Variants in DCAF1 observed in about 807,000 individuals in gnomAD.
DCAF1 encodes DDB1- and CUL4-associated factor 1.
A neutral mutation model predicts 128.0 loss-of-function variants in DCAF1; 15 were observed. The observed-to-expected ratio is 0.12, with a 90% CI of 0.08 to 0.18. The LOEUF (loss-of-function observed/expected upper bound fraction) is 0.18. Ranked by LOEUF, DCAF1 falls within the 10% of genes least tolerant of loss-of-function variation. The pLI, the probability that DCAF1 is intolerant of heterozygous loss-of-function variation, is 1.00. For synonymous variants in DCAF1, 610 were observed against 603.0 expected (o/e 1.01, Z -0.17); for missense variants, 988 against 1,649.5 (o/e 0.60, Z 6.95).
At chr3:51,442,900 C>A (rs1329812442) in intron 7 of DCAF1, among the ~76,000 whole-genome samples, 2 of 152,032 alleles carry the variant, frequency 1.3e-5, no homozygotes, top group Admixed American at 6.6e-5. Flanking sequence ...CTGAGGGGAA[C>A]AATACACACT....
At chr3:51,413,087 A>T (rs782308752) in intron 21 of DCAF1, 21 bp from the exon 22 acceptor site, 12 of 1,613,702 alleles carry the variant, frequency 7.4e-6, no homozygotes, top group Non-Finnish European at 8.5e-7. Context: ...GAATGTGAGA[A>T]GATTGGGATT....
chr3:51,418,721 T>C lies in DCAF1; in HGVS notation c.3392A>G (p.Tyr1131Cys), dbSNP rs1013423185. The C allele has an allele frequency of 6.2e-7, 1 of 1,613,908 alleles. No individual in the cohort carries two copies. Among genetic ancestry groups the C allele is most frequent in the Non-Finnish European group, 8.5e-7 (1 of 1,179,878 alleles). ...TGTGATGGCTGAGTTGTGACAGTTA[T>C]AGCTGGCCTCCTCCTGTCCACTAAA... Reference protein sequence around the residue: ...NVFSGQEEASYNCHNSAITHL... With the variant: ...NVFSGQEEASCNCHNSAITHL... Residue 1131 changes from tyrosine to cysteine, a missense_variant, in exon 16 of 25, where the codon TAT (tyrosine) becomes TGT (cysteine). This residue lies in a region of DCAF1 where 105 missense variants were observed against 266.7 expected (regional missense o/e 0.39). Coordinates refer to ENST00000684031, the MANE Select transcript of DCAF1 (RefSeq NM_001387579.1).
At chr3:51,444,876 C>G (rs1898302) in intron 6 of DCAF1, among the ~76,000 whole-genome samples, 2 of 149,108 alleles carry the variant, frequency 1.3e-5, no homozygotes, top group African/African-American at 5.0e-5. Context: ...GGGGTTTCAC[C>G]GTGTTAGCCA....
intron 5 of DCAF1, among the ~76,000 whole-genome samples, chr3:51,466,180 T>C (rs782500941): frequency 6.6e-6 from 1 of 152,006 alleles, no homozygotes; most frequent in African/African-American, 2.4e-5. Flanking sequence ...CCAGCCTAAG[T>C]AACAGAGCCA....
At chr3:51,453,193 G>A (rs1702530214) in intron 6 of DCAF1, among the ~76,000 whole-genome samples, 1 of 152,058 alleles carries the variant, frequency 6.6e-6, no homozygotes, top group South Asian at 2.1e-4. Flanking sequence ...AAATGATATT[G>A]CAAATTATAA....
chr3:51,422,162 C>T (rs1051029907), intron 14 of DCAF1, 145 bp downstream of exon 14: 2 of 592,468 alleles, frequency 3.4e-6, no homozygotes, highest in Non-Finnish European at 6.1e-6. Context: ...GAATGGTACT[C>T]CTTATAAAGG....
rs2089428293 is a variant in DCAF1 at position 51,398,889 on chromosome 3, A to G, written c.4466-62T>C. The G allele has an allele frequency of 7.1e-6, 11 of 1,544,496 alleles. No homozygotes were observed. In the South Asian group the frequency reaches 1.2e-4, roughly 17 times the overall value. ...CTAGGCTTATAGGAAGCTTTCCTAC[A>G]GAAGCACCTGCACTCACATACATTC... On this transcript the variant is annotated intron_variant, in intron 24 of 24. Transcript: ENST00000684031.
At chr3:51,454,146 G>A (rs960166925) in intron 6 of DCAF1, among the ~76,000 whole-genome samples, 13 of 152,080 alleles carry the variant, frequency 8.5e-5, no homozygotes, top group African/African-American at 1.2e-4. Flanking sequence ...GAGTTGAAGC[G>A]ATCCTCCCGC....
At position 51,420,811 on chromosome 3, in the gene DCAF1, T is replaced by G. The variant is rs782041436; in HGVS notation, c.2159A>C (p.His720Pro). Reference protein sequence around the residue: ...KLPQNPKSSEHTLAKMWNVVQ... With the variant: ...KLPQNPKSSEPTLAKMWNVVQ... ...CACATTCCACATCTTGGCCAGGGTG[T>G]GCTCACTGCTTTTAGGGTTCTGAGG... The change falls in exon 15 of 25, where the codon CAC (histidine) becomes CCC (proline). Residue 720 changes from histidine to proline, a missense_variant. His to Pro is a moderately conservative substitution (Grantham distance 77). Coordinates refer to ENST00000684031, the MANE Select transcript of DCAF1 (RefSeq NM_001387579.1). The surrounding 1 kb of genome is among the most constrained non-coding windows in gnomAD (Gnocchi z 6.5). 4 of 1,614,036 alleles carry G rather than the reference T, an allele frequency of 2.5e-6. No individual in the cohort carries two copies. Among genetic ancestry groups the G allele is most frequent in the Non-Finnish European group, 2.5e-6 (3 of 1,179,896 alleles).
chr3:51,444,006 A>C (rs1701606535), intron 6 of DCAF1, 103 bp from the exon 7 acceptor site: 1 of 1,149,140 alleles, frequency 8.7e-7, no homozygotes, highest in East Asian at 2.5e-5. Flanking sequence ...TAATATTTCA[A>C]TGTTCGTAAG....
At chr3:51,471,209 A>G (rs1244943077) in intron 3 of DCAF1, among the ~76,000 whole-genome samples, 1 of 144,144 alleles carries the variant, frequency 6.9e-6, no homozygotes, top group Non-Finnish European at 1.5e-5. Flanking sequence ...TTTTTTTGAC[A>G]GTCTCGCTCT....
intron 4 of DCAF1, among the ~76,000 whole-genome samples, chr3:51,469,582 T>C (rs1427281198): frequency 2.0e-5 from 3 of 152,048 alleles, no homozygotes; most frequent in African/African-American, 7.2e-5. Context: ...CAAGCTTATA[T>C]GTACTATGGG....
At chr3:51,445,625 A>T (rs1166488201) in intron 6 of DCAF1, among the ~76,000 whole-genome samples, 1 of 152,210 alleles carries the variant, frequency 6.6e-6, no homozygotes, top group Non-Finnish European at 1.5e-5. Context: ...TGGCTTGACC[A>T]ATAATGGTGA....
At chr3:51,468,497 C>CTATTT (rs1704378686) in intron 4 of DCAF1, among the ~76,000 whole-genome samples, 2 of 152,108 alleles carry the variant, frequency 1.3e-5, no homozygotes, top group African/African-American at 2.4e-5. Context: ...ACAGAAACCT[C>CTATTT]TATTTTATTT....
intron 3 of DCAF1, among the ~76,000 whole-genome samples, chr3:51,477,623 C>G (rs1705638716): frequency 6.6e-6 from 1 of 151,910 alleles, no homozygotes; most frequent in South Asian, 2.1e-4. Context: ...AAAAACAACA[C>G]CGGAATTGGA....
chr3:51,444,019 T>A, intron 6 of DCAF1, 116 bp from the exon 7 acceptor site: 1 of 939,860 alleles, frequency 1.1e-6, no homozygotes, highest in Non-Finnish European at 1.5e-6. Flanking sequence ...TTCGTAAGAG[T>A]AAAAAAAGTA....
rs781835792 is a variant in DCAF1 at position 51,463,221 on chromosome 3, T to C, written c.268A>G (p.Asn90Asp). Residue 90 changes from asparagine (N) to aspartate (D), a missense_variant, in exon 6 of 25, where the codon AAT becomes GAT. Physicochemically the swap from Asn to Asp is conservative, Grantham distance 23. This residue lies in a region of DCAF1 where 210 missense variants were observed against 260.2 expected (regional missense o/e 0.81). Coordinates refer to ENST00000684031, the MANE Select transcript of DCAF1 (RefSeq NM_001387579.1). ...TCTCGGCTTGTCATCACATATGCAT[T>C]CACCAGCTGTAAAGAAAAAAAAGAA... ...KNDDFMNALV[N>D]AYVMTSREPP... The C allele has an allele frequency of 6.4e-7, 1 of 1,553,438 alleles. No homozygotes were observed. Among genetic ancestry groups the C allele is most frequent in the Non-Finnish European group, 8.7e-7 (1 of 1,152,154 alleles).
upstream of DCAF1, among the ~76,000 whole-genome samples, chr3:51,503,845 C>A (rs538088560): frequency 1.5e-3 from 235 of 152,250 alleles, no homozygotes; most frequent in Non-Finnish European, 1.9e-3. Flanking sequence ...ACAAATTCCA[C>A]AAAGTCAACA....
intron 1 of DCAF1, among the ~76,000 whole-genome samples, chr3:51,499,314 G>A (rs1229712777): frequency 6.6e-6 from 1 of 152,192 alleles, no homozygotes; most frequent in South Asian, 2.1e-4. Flanking sequence ...CTCTTTCATG[G>A]GGATGGGAGG....
Sources: gnomAD v4.1 joint callset for allele counts (sites outside exome capture counted in the v4.1 genomes callset) on GRCh38, gnomAD v4.1.1 for gene constraint, gnomAD v4.1.1 regional missense constraint, Gnocchi (gnomAD v3.1) non-coding constraint, MANE v1.5 for transcripts, NCBI Gene and HGNC (gene_info 2026-07-23, HGNC 2026-07-21) for gene names.